Variants in MED25 observed in about 807,000 individuals in gnomAD.
MED25 encodes the protein mediator of RNA polymerase II transcription subunit 25.
Under a neutral mutation model 89.4 loss-of-function variants are expected in MED25, and 62 were observed. The observed-to-expected ratio is 0.69, with a 90% CI of 0.57 to 0.86. The LOEUF is 0.86. Among genes scored for constraint, MED25 ranks in the 40% least tolerant of loss-of-function variants. The probability of loss-of-function intolerance (pLI) is 0.00; values close to 1 mark genes in which losing one functional copy is unlikely to be tolerated. For missense variants in MED25, 905 were observed against 1,005.2 expected (o/e 0.90, Z 1.35); for synonymous variants, 449 against 427.9 (o/e 1.05, Z -0.61).
chr19:49,835,547 A>G lies in MED25; in HGVS notation c.1688A>G (p.Gln563Arg). Residue 563 changes from glutamine to arginine, a missense_variant, in exon 15 of 18, where the codon CAG becomes CGG. This residue lies in a region of MED25 where 271 missense variants were observed against 258.1 expected (regional missense o/e 1.05). Coordinates refer to ENST00000312865, the MANE Select transcript of MED25 (RefSeq NM_030973.4). The surrounding 1 kb of genome is among the most constrained non-coding windows in gnomAD (Gnocchi z 6.2). ...EQQQRGMGGQ[Q>R]APPGLGPILE... is the part of the protein sequence containing the mutation. ...CTCCCCGTGCAGATGGGGGGACAGC[A>G]GGCACCCCCAGGGCTGGGGCCCATT... 1.3e-6 allele frequency: 2 copies of G among 1,562,500 alleles called. No homozygotes were observed. The highest frequency in any genetic ancestry group is 1.7e-6 in the Non-Finnish European group (2 of 1,153,942).
rs1160003190 is a variant in MED25, at chr19:49,829,855, G to T, written c.595G>T (p.Ala199Ser). 1.9e-6 allele frequency: 3 copies of T among 1,612,104 alleles called. No homozygotes were observed. In the South Asian group the frequency reaches 3.3e-5, roughly 18 times the overall value. Reference protein sequence around the residue: ...PALRLLFEKAAPPALLEPLQP... With the variant: ...PALRLLFEKASPPALLEPLQP... Reference sequence around the variant, plus strand: ...GCTTCGGCTTCTGTTTGAGAAGGCAGCCCCCCCGGCCTTGCTGGAGCCGCT... The same window carrying T: ...GCTTCGGCTTCTGTTTGAGAAGGCATCCCCCCCGGCCTTGCTGGAGCCGCT... Residue 199 changes from alanine to serine, a missense_variant, in exon 6 of 18, where the codon GCC (alanine) becomes TCC (serine). Ala to Ser is a moderately conservative substitution (Grantham distance 99, BLOSUM62 1). Around this residue, in one of 3 missense-constraint regions of MED25, gnomAD observed 501 missense variants for 526.9 expected, o/e 0.95. Coordinates refer to ENST00000312865, the MANE Select transcript of MED25 (RefSeq NM_030973.4). The surrounding 1 kb of genome is among the most constrained non-coding windows in gnomAD (Gnocchi z 4.6).
chr19:49,831,238 G>A lies in MED25; in HGVS notation c.1102-95G>A, dbSNP rs1448377033. On this transcript the variant is annotated intron_variant, in intron 9 of 17. Coordinates refer to ENST00000312865, the MANE Select transcript of MED25 (RefSeq NM_030973.4). This position sits in a 1 kb window ranked among gnomAD's most constrained non-coding sequence, Gnocchi z 5.0. Reference sequence around the variant, plus strand: ...CTGGGGATGGAGGGGCAGAAGAAGGGATCTTTCCTCCTTCCTGGTTTGCCC... The same window carrying A: ...CTGGGGATGGAGGGGCAGAAGAAGGAATCTTTCCTCCTTCCTGGTTTGCCC... 2 of 1,339,798 alleles carry A rather than the reference G, an allele frequency of 1.5e-6. No individual in the cohort carries two copies. The highest frequency in any genetic ancestry group is 1.3e-5 in the South Asian group (1 of 78,080). The allele number at this position is 1,339,798 out of a possible 1,614,324, so 83.0% of individuals were successfully genotyped here.
chr19:49,826,136 C>T lies in MED25; in HGVS notation c.306-2313C>T, dbSNP rs1475957817. ...CGGGTGGATCATAAGGTCAGGAGTTCGAGACCATCCCGGATAACACCGTGA... is the reference window on the plus strand; with the variant it reads ...CGGGTGGATCATAAGGTCAGGAGTTTGAGACCATCCCGGATAACACCGTGA... On this transcript the variant is annotated intron_variant, in intron 3 of 17. Transcript: ENST00000312865. 3.3e-5 allele frequency among the ~76,000 whole-genome samples: 5 copies of T among 152,132 alleles called. No homozygotes were observed. In the East Asian group the frequency reaches 7.7e-4, roughly 24 times the overall value.
rs765215168 is a variant in MED25 at position 49,830,186 on chromosome 19, C to A, written c.787C>A (p.Gln263Lys). 1.0e-5 allele frequency: 16 copies of A among 1,604,222 alleles called. No homozygotes were observed. The Admixed American group carries it at 1.5e-4, about 15-fold the overall frequency. The stretch of plus-strand genomic sequence containing the variant: ...TGCCACTCTCTCAGCAGCCCCCCAG[C>A]AGCCTCTGCCCCCCGTCCCCCCGCA... ...SGATLSAAPQ[Q>K]PLPPVPPQYQ... Residue 263 changes from glutamine (Q) to lysine (K), a missense_variant, in exon 7 of 18, where the codon CAG becomes AAG. Gln to Lys is a moderately conservative substitution (Grantham distance 53). This residue lies in a region of MED25 where 501 missense variants were observed against 526.9 expected (regional missense o/e 0.95). Coordinates refer to ENST00000312865, the MANE Select transcript of MED25 (RefSeq NM_030973.4). This position sits in a 1 kb window ranked among gnomAD's most constrained non-coding sequence, Gnocchi z 4.6.
chr19:49,824,493 G>T (rs1305311843), intron 3 of MED25, among the ~76,000 whole-genome samples: 1 of 152,020 alleles, frequency 6.6e-6, no homozygotes, highest in Non-Finnish European at 1.5e-5. Context: ...GCTGAGGTAG[G>T]AGGATCAACT....
intron 2 of MED25, 112 bp from the exon 3 acceptor site, chr19:49,819,060 G>A (rs2073962464): frequency 1.5e-6 from 2 of 1,318,782 alleles, no homozygotes; most frequent in South Asian, 1.2e-5. Context: ...GAAGGAGGAA[G>A]CTGAGGAGTT....
downstream of MED25, among the ~76,000 whole-genome samples, chr19:49,838,160 G>A (rs2074112686): frequency 2.0e-5 from 3 of 152,162 alleles, no homozygotes; most frequent in Admixed American, 1.3e-4. Flanking sequence ...AGATTCACGG[G>A]CCCCACCCCA....
Position 49,829,724 on chromosome 19 carries a change from G to A in MED25, c.526-62G>A. Reference sequence around the variant, plus strand: ...CCACACAGCAGTTGTGGTAGGTTGGGGGCCGGCCCCAACACCCTTATGGAG... The same window carrying A: ...CCACACAGCAGTTGTGGTAGGTTGGAGGCCGGCCCCAACACCCTTATGGAG... On this transcript the variant is annotated intron_variant, in intron 5 of 17. Coordinates refer to ENST00000312865, the MANE Select transcript of MED25 (RefSeq NM_030973.4). The surrounding 1 kb of genome is among the most constrained non-coding windows in gnomAD (Gnocchi z 4.6). 1 of 1,518,960 alleles carries A rather than the reference G, an allele frequency of 6.6e-7. No homozygotes were observed. Among genetic ancestry groups the A allele is most frequent in the Non-Finnish European group, 8.9e-7 (1 of 1,120,784 alleles). The allele number at this position is 1,518,960 out of a possible 1,614,324, so 94.1% of individuals were successfully genotyped here. A position where few individuals can be genotyped will look rare whatever the true frequency, so the allele number is the denominator to read the frequency against.
At position 49,818,753 on chromosome 19, in the gene MED25, T is replaced by C. The variant is rs369922860; in HGVS notation, c.180+137T>C. On this transcript the variant is annotated intron_variant, in intron 2 of 17. Transcript: ENST00000312865. Reference sequence around the variant, plus strand: ...GGCTGGGGGTCTGGACTCCTTGTTCTGAGGGAGGAGGGCCTGGGGGCCTGG... The same window carrying C: ...GGCTGGGGGTCTGGACTCCTTGTTCCGAGGGAGGAGGGCCTGGGGGCCTGG... 3.5e-5 allele frequency: 30 copies of C among 867,202 alleles called. 2 individuals carry two copies. Among genetic ancestry groups the C allele is most frequent in the Admixed American group, 2.2e-4 (10 of 44,846 alleles). The allele number at this position is 867,202 out of a possible 1,614,324, so 53.7% of individuals were successfully genotyped here.
chr19:49,818,646 AGGAGGG>A, intron 2 of MED25, 30 bp downstream of exon 2: 1 of 1,601,710 alleles, frequency 6.2e-7, no homozygotes, highest in Non-Finnish European at 8.5e-7. Context: ...GGCCTGAGGG[AGGAGGG>A]GCCGGGGGCC....
rs2123880003 is a variant in MED25, at chr19:49,830,711, C to T, written c.925C>T (p.Leu309Phe). The T allele has an allele frequency of 1.2e-6, 2 of 1,614,040 alleles. No homozygotes were observed. The highest frequency in any genetic ancestry group is 3.3e-5 in the Admixed American group (2 of 60,028). ...LGPRFSPITP[L>F]QQAAPGVGPP... ...TCCCACAGTCTCGCCCATCACCCCTCTCCAACAAGCTGCTCCCGGAGTGGG... is the reference window on the plus strand; with the variant it reads ...TCCCACAGTCTCGCCCATCACCCCTTTCCAACAAGCTGCTCCCGGAGTGGG... The change falls in exon 9 of 18, where the codon CTC (leucine) becomes TTC (phenylalanine). Residue 309 changes from leucine to phenylalanine, a missense_variant. Transcript: ENST00000312865. The surrounding 1 kb of genome is among the most constrained non-coding windows in gnomAD (Gnocchi z 4.6).
intron 3 of MED25, among the ~76,000 whole-genome samples, chr19:49,822,338 C>G (rs1193665856): frequency 6.7e-6 from 1 of 149,564 alleles, no homozygotes; most frequent in Non-Finnish European, 1.5e-5. Flanking sequence ...CCTAGCTACT[C>G]AGGAGGCTGA....
chr19:49,829,103 G>C lies in MED25; in HGVS notation c.525+13G>C. On this transcript the variant is annotated intron_variant, in intron 5 of 17. Transcript: ENST00000312865. This position sits in a 1 kb window ranked among gnomAD's most constrained non-coding sequence, Gnocchi z 4.6. ...GCAGATTGGGGAGGTGAGGACTCCA[G>C]GGTCTGAGGGACGAGGGTCTGGGGG... 7.4e-6 allele frequency: 12 copies of C among 1,611,520 alleles called. No homozygotes were observed. The highest frequency in any genetic ancestry group is 9.3e-6 in the Non-Finnish European group (11 of 1,178,882).
At chr19:49,839,456 GA>G (rs1412934518), downstream of MED25, 1 of 152,742 alleles carries the variant, frequency 6.5e-6, no homozygotes, top group East Asian at 1.9e-4. Context: ...CTTCAGTCAC[GA>G]GTGAGTTGAT....
Position 49,830,480 on chromosome 19 carries a change from A to G in MED25, c.820-31A>G, listed in dbSNP as rs757737973. On this transcript the variant is annotated intron_variant, in intron 7 of 17. Transcript: ENST00000312865. The surrounding 1 kb of genome is among the most constrained non-coding windows in gnomAD (Gnocchi z 4.6). ...GGACTGGGGGGCCATGGTCCTCACC[A>G]GTCCCTTCCCTTCTTCCCTTCTACC... The G allele has an allele frequency of 1.3e-5, 21 of 1,607,364 alleles. No homozygotes were observed. The highest frequency in any genetic ancestry group is 1.7e-5 in the Non-Finnish European group (20 of 1,174,278).
Position 49,818,441 on chromosome 19 carries a change from G to A in MED25, c.100G>A (p.Gly34Arg). 1 of 1,614,140 alleles carries A rather than the reference G, an allele frequency of 6.2e-7. No individual in the cohort carries two copies. The highest frequency in any genetic ancestry group is 8.5e-7 in the Non-Finnish European group (1 of 1,180,028). ...GGCCAACCTGGGACCCTACTTCGAG[G>A]GGCTCCGCAAGCACTACCTGCTCCC... ...GTANLGPYFE[G>R]LRKHYLLPAI... The change falls in exon 1 of 18, where the codon GGG becomes AGG. Residue 34 changes from glycine (G) to arginine (R), a missense_variant. Physicochemically the swap from Gly to Arg is moderately radical, Grantham distance 125. Around this residue, in one of 3 missense-constraint regions of MED25, gnomAD observed 501 missense variants for 526.9 expected, o/e 0.95. Coordinates refer to ENST00000312865, the MANE Select transcript of MED25 (RefSeq NM_030973.4).
Position 49,830,460 on chromosome 19 carries a change from G to A in MED25, c.820-51G>A, listed in dbSNP as rs376796102. Reference sequence around the variant, plus strand: ...TGTGACCTCGTGGGATACCAGGACTGGGGGGCCATGGTCCTCACCAGTCCC... The same window carrying A: ...TGTGACCTCGTGGGATACCAGGACTAGGGGGCCATGGTCCTCACCAGTCCC... On this transcript the variant is annotated intron_variant, in intron 7 of 17. Coordinates refer to ENST00000312865, the MANE Select transcript of MED25 (RefSeq NM_030973.4). This position sits in a 1 kb window ranked among gnomAD's most constrained non-coding sequence, Gnocchi z 4.6. 1 of 1,574,174 alleles carries A rather than the reference G, an allele frequency of 6.4e-7. No homozygotes were observed. The highest frequency in any genetic ancestry group is 8.7e-7 in the Non-Finnish European group (1 of 1,144,918).
chr19:49,838,785 C>T, downstream of MED25: 1 of 453,590 alleles, frequency 2.2e-6, no homozygotes, highest in Non-Finnish European at 4.4e-6. Context: ...CTCGAGATGC[C>T]ATCCTCAACG....
At chr19:49,822,390 C>A (rs1005755215) in intron 3 of MED25, among the ~76,000 whole-genome samples, 6 of 152,020 alleles carry the variant, frequency 3.9e-5, no homozygotes, top group African/African-American at 1.4e-4. Flanking sequence ...AGAGATCGCA[C>A]CACTGCGCTC....
Sources: allele counts gnomAD v4.1 joint callset (sites outside exome capture counted in the v4.1 genomes callset), GRCh38; gene constraint gnomAD v4.1.1; regional missense constraint gnomAD v4.1.1; non-coding constraint Gnocchi (gnomAD v3.1); transcripts MANE v1.5; gene names NCBI Gene and HGNC (gene_info 2026-07-23, HGNC 2026-07-21).